The following SLIT3 variants were observed in gnomAD, a reference collection of about 807,000 sequenced individuals.
SLIT3 encodes slit homolog 3 protein.
Under a neutral mutation model 184.0 loss-of-function variants are expected in SLIT3, and 68 were observed. The ratio of observed to expected loss-of-function variants is 0.37; its 90% CI spans 0.30 to 0.45. The LOEUF (loss-of-function observed/expected upper bound fraction) is 0.45. Ranked by LOEUF, SLIT3 falls within the 20% of genes least tolerant of loss-of-function variation. The probability of loss-of-function intolerance (pLI) is 1.00; values close to 1 mark genes in which losing one functional copy is unlikely to be tolerated. For synonymous variants in SLIT3, 831 were observed against 828.6 expected, an observed-to-expected ratio of 1.00 and a Z score of -0.05; for missense variants, 1,707 against 2,026.0, an observed-to-expected ratio of 0.84 and a Z score of 3.02.
intron 3 of SLIT3, among the ~76,000 whole-genome samples, chr5:169,212,189 G>T (rs1289762997): frequency 2.0e-5 from 3 of 152,122 alleles, no homozygotes; most frequent in Non-Finnish European, 4.4e-5. Flanking sequence ...TCCTTGAGGA[G>T]TCACCACACT....
intron 4 of SLIT3, among the ~76,000 whole-genome samples, chr5:169,100,690 G>A (rs1217955726): frequency 7.9e-5 from 12 of 152,170 alleles, no homozygotes; most frequent in East Asian, 1.9e-4. Flanking sequence ...TACTAAGTCC[G>A]TGGTGGTGGG....
chr5:169,230,330 T>C (rs749838780), intron 3 of SLIT3, among the ~76,000 whole-genome samples: 1 of 152,200 alleles, frequency 6.6e-6, no homozygotes, highest in African/African-American at 2.4e-5. Flanking sequence ...CTAAAGTTCA[T>C]GCTCTGAATC....
chr5:168,939,773 T>A (rs1302829652), intron 4 of SLIT3, among the ~76,000 whole-genome samples: 1 of 152,256 alleles, frequency 6.6e-6, no homozygotes, highest in Non-Finnish European at 1.5e-5. Flanking sequence ...TAAGACCACA[T>A]TTTATGCTAT....
At position 169,207,014 on chromosome 5, in the gene SLIT3, C is replaced by T. The variant is rs578205655; in HGVS notation, c.342-13464G>A. ...AGGGGCACTTTTCAGATTGCATTGT[C>T]ACTTCGATCTGATTGAATCTTTTCC... On this transcript the variant is annotated intron_variant, in intron 3 of 35. Coordinates refer to ENST00000519560, the MANE Select transcript of SLIT3 (RefSeq NM_003062.4). Among the ~76,000 whole-genome samples the T allele has an allele frequency of 8.7e-5, 13 of 149,802 alleles. No homozygotes were observed. The East Asian group carries it at 2.6e-3, about 29-fold the overall frequency.
At chr5:169,229,349 C>T (rs992175175) in intron 3 of SLIT3, among the ~76,000 whole-genome samples, 5 of 152,114 alleles carry the variant, frequency 3.3e-5, no homozygotes, top group African/African-American at 1.2e-4. Context: ...GTGGGCTTAC[C>T]CACTAAGGAT....
intron 1 of SLIT3, among the ~76,000 whole-genome samples, chr5:169,299,189 A>G (rs1400706750): frequency 6.6e-6 from 1 of 152,178 alleles, no homozygotes; most frequent in East Asian, 1.9e-4. Context: ...CTGTGGTTCA[A>G]CCCAACAAAA....
At chr5:169,189,650 G>A (rs1004534108) in intron 4 of SLIT3, among the ~76,000 whole-genome samples, 1 of 148,326 alleles carries the variant, frequency 6.7e-6, no homozygotes, top group African/African-American at 2.5e-5. Context: ...GCTTAGGCAG[G>A]GAACTCCCAG....
rs374334394 is a variant in SLIT3 at position 168,753,888 on chromosome 5, C to T, written c.1805G>A (p.Arg602His). 5.6e-5 allele frequency: 91 copies of T among 1,611,424 alleles called. No homozygotes were observed. Among genetic ancestry groups the T allele is most frequent in the South Asian group, 1.2e-4 (11 of 91,008 alleles). The change falls in exon 17 of 36, where the codon CGT becomes CAT. Residue 602 changes from arginine (R) to histidine (H), a missense_variant. Transcript: ENST00000519560. ...QLETVHGRVF[R>H]GLSGLKTLML... Reference sequence around the variant, plus strand: ...CAAGGTTTTGAGGCCACTGAGGCCACGGAACACGCGCCCGTGCACGGTCTC... The same window carrying T: ...CAAGGTTTTGAGGCCACTGAGGCCATGGAACACGCGCCCGTGCACGGTCTC...
intron 1 of SLIT3, among the ~76,000 whole-genome samples, chr5:169,265,909 T>C (rs1766380771): frequency 1.3e-5 from 2 of 152,282 alleles, no homozygotes; most frequent in Admixed American, 6.5e-5. Flanking sequence ...ATCTCCTTCA[T>C]CCACTTCAGG....
chr5:168,757,301 G>A (rs887803738), intron 16 of SLIT3, among the ~76,000 whole-genome samples: 2 of 152,194 alleles, frequency 1.3e-5, no homozygotes, highest in African/African-American at 2.4e-5. Flanking sequence ...CTAGCGCAGG[G>A]TAAAGTGTTT....
At chr5:168,669,126 T>C (rs1243409934) in intron 35 of SLIT3, among the ~76,000 whole-genome samples, 1 of 152,226 alleles carries the variant, frequency 6.6e-6, no homozygotes, top group East Asian at 1.9e-4. Flanking sequence ...TTGCCCCCAG[T>C]GACTACCACC....
chr5:169,242,674 T>C (rs1294771643), intron 3 of SLIT3, among the ~76,000 whole-genome samples: 1 of 152,200 alleles, frequency 6.6e-6, no homozygotes, highest in Admixed American at 6.5e-5. Context: ...GGGTTTTACA[T>C]GAATAAGTAA....
chr5:168,674,489 C>CTTTT (rs141548947), intron 32 of SLIT3, among the ~76,000 whole-genome samples: 1,317 of 119,836 alleles, frequency 0.011, 46 homozygotes, highest in East Asian at 0.074. Flanking sequence ...GGGATATTCA[C>CTTTT]TTTTTTTTTT....
intron 4 of SLIT3, among the ~76,000 whole-genome samples, chr5:168,972,724 T>G (rs1278621677): frequency 6.6e-6 from 1 of 152,160 alleles, no homozygotes; most frequent in Non-Finnish European, 1.5e-5. Context: ...CTTGCTGTCT[T>G]CTCTAGACTC....
intron 29 of SLIT3, among the ~76,000 whole-genome samples, chr5:168,687,944 G>A (rs1048567343): frequency 1.8e-4 from 28 of 152,310 alleles, no homozygotes; most frequent in African/African-American, 6.5e-4. Flanking sequence ...TAAAAGAGTG[G>A]TGCGTCAGCA....
intron 2 of SLIT3, among the ~76,000 whole-genome samples, 190 bp from the exon 3 acceptor site, chr5:169,244,966 C>T (rs1015061823): frequency 6.6e-6 from 1 of 152,148 alleles, no homozygotes; most frequent in Non-Finnish European, 1.5e-5. Context: ...AGGGTTTTGC[C>T]GCCTGCACAC....
chr5:168,830,059 G>T (rs143435979), intron 6 of SLIT3, among the ~76,000 whole-genome samples: 4 of 152,314 alleles, frequency 2.6e-5, no homozygotes, highest in African/African-American at 9.6e-5. Context: ...AGGAATCAGG[G>T]CCTACTGCTG....
At chr5:169,187,473 T>C (rs1422499665) in intron 4 of SLIT3, among the ~76,000 whole-genome samples, 5 of 152,244 alleles carry the variant, frequency 3.3e-5, no homozygotes, top group Non-Finnish European at 7.4e-5. Flanking sequence ...GAATCTGGGA[T>C]AGGTGGGCCA....
rs77893361 is a variant in SLIT3 at position 169,043,605 on chromosome 5, C to T, written c.413+149874G>A. 2.8e-4 allele frequency among the ~76,000 whole-genome samples: 42 copies of T among 152,318 alleles called. No individual in the cohort carries two copies. The East Asian group carries it at 3.1e-3, about 11-fold the overall frequency. On this transcript the variant is annotated intron_variant, in intron 4 of 35. Transcript: ENST00000519560. Reference sequence around the variant, plus strand: ...TATATGAGCTATGTTCAAGGGATCACGAATTTTTGAGTAGCAGGCCTTGAT... The same window carrying T: ...TATATGAGCTATGTTCAAGGGATCATGAATTTTTGAGTAGCAGGCCTTGAT...
Sources: gnomAD v4.1 joint callset for allele counts (sites outside exome capture counted in the v4.1 genomes callset) on GRCh38, gnomAD v4.1.1 for gene constraint, MANE v1.5 for transcripts, NCBI Gene and HGNC (gene_info 2026-07-23, HGNC 2026-07-21) for gene names.